Variants in ULK4 observed in about 807,000 individuals in gnomAD.
ULK4 encodes the protein inactive serine/threonine-protein kinase ULK4.
A neutral mutation model predicts 160.6 loss-of-function variants in ULK4; 133 were observed. That is an observed-to-expected ratio of 0.83 (90% confidence interval 0.72 to 0.96). ULK4 has a LOEUF of 0.96. Ranked by LOEUF, ULK4 falls within the 40% of genes least tolerant of loss-of-function variation. The probability of loss-of-function intolerance (pLI) is 0.00; values close to 1 mark genes in which losing one functional copy is unlikely to be tolerated. For synonymous variants in ULK4, 534 were observed against 539.8 expected (o/e 0.99, Z 0.15); for missense variants, 1,580 against 1,499.5 (o/e 1.05, Z -0.89).
intron 21 of ULK4, among the ~76,000 whole-genome samples, chr3:41,769,556 A>C (rs2039283418): frequency 6.7e-6 from 1 of 150,342 alleles, no homozygotes; most frequent in Non-Finnish European, 1.5e-5. Flanking sequence ...TCTATAACCC[A>C]AATCACAGCA....
intron 17 of ULK4, among the ~76,000 whole-genome samples, chr3:41,869,523 T>C (rs1697015228): frequency 6.6e-6 from 1 of 152,110 alleles, no homozygotes; most frequent in Non-Finnish European, 1.5e-5. Context: ...AGAGGTGCAA[T>C]GAGCCAAGAT....
rs1013250833 is a variant in ULK4, at chr3:41,764,540, G to C, written c.2194-10052C>G. On this transcript the variant is annotated intron_variant, in intron 21 of 36. Transcript: ENST00000301831. The stretch of plus-strand genomic sequence containing the variant: ...CAGGAGGATTGTTCAAGACTATCCT[G>C]GGCAACAGAGCAAGACCCTGTCTCT... 2.0e-5 allele frequency among the ~76,000 whole-genome samples: 3 copies of C among 152,160 alleles called. No homozygotes were observed. In the East Asian group the frequency reaches 5.8e-4, roughly 29 times the overall value.
At chr3:41,425,141 C>T (rs746650193) in intron 34 of ULK4, among the ~76,000 whole-genome samples, 49 of 151,990 alleles carry the variant, frequency 3.2e-4, no homozygotes, top group Admixed American at 6.6e-4. Context: ...ACAAGAACTT[C>T]GCAATGCAAC....
At chr3:41,718,971 T>C (rs2037364973) in intron 22 of ULK4, among the ~76,000 whole-genome samples, 5 of 152,202 alleles carry the variant, frequency 3.3e-5, no homozygotes, top group African/African-American at 1.2e-4. Flanking sequence ...ATTATGTGGC[T>C]AGAGCCATAA....
At chr3:41,631,845 G>T (rs546020684) in intron 30 of ULK4, among the ~76,000 whole-genome samples, 3 of 152,088 alleles carry the variant, frequency 2.0e-5, no homozygotes, top group African/African-American at 7.2e-5. Flanking sequence ...TGATGTGGTT[G>T]CAAGTCCTGT....
chr3:41,391,443 T>A (rs28642078), intron 35 of ULK4, among the ~76,000 whole-genome samples: 3 of 151,878 alleles, frequency 2.0e-5, no homozygotes, highest in Middle Eastern at 3.4e-3. Context: ...GAATGGAAGG[T>A]CTTAACCCCA....
At chr3:41,510,934 G>C (rs189284651) in intron 32 of ULK4, among the ~76,000 whole-genome samples, 2 of 152,110 alleles carry the variant, frequency 1.3e-5, no homozygotes, top group Admixed American at 6.5e-5. Context: ...AGGCTGAGGC[G>C]GGTGGATCAC....
At chr3:41,554,139 C>T (rs1004036809) in intron 32 of ULK4, among the ~76,000 whole-genome samples, 3 of 152,056 alleles carry the variant, frequency 2.0e-5, no homozygotes, top group African/African-American at 4.8e-5. Context: ...TGCAGTTCCA[C>T]GGAAGTACCG....
At chr3:41,293,794 T>C (rs2079617778) in intron 35 of ULK4, among the ~76,000 whole-genome samples, 1 of 152,200 alleles carries the variant, frequency 6.6e-6, no homozygotes. Context: ...TTAGCTATTA[T>C]TATATAAAGT....
At chr3:41,839,319 AACAGAGCAAG>A (rs1321252028) in intron 17 of ULK4, among the ~76,000 whole-genome samples, 1 of 151,412 alleles carries the variant, frequency 6.6e-6, no homozygotes, top group African/African-American at 2.4e-5. Context: ...CAGCCTGGGC[AACAGAGCAAG>A]ACTCTGTCTC....
chr3:41,541,381 GTCTATA>G (rs1318707339), intron 32 of ULK4, among the ~76,000 whole-genome samples: 1 of 152,082 alleles, frequency 6.6e-6, no homozygotes, highest in Non-Finnish European at 1.5e-5. Flanking sequence ...TGTTCCATTG[GTCTATA>G]TACCTGTTTT....
intron 35 of ULK4, among the ~76,000 whole-genome samples, chr3:41,316,187 C>A (rs958942058): frequency 2.0e-5 from 3 of 152,068 alleles, no homozygotes; most frequent in Non-Finnish European, 2.9e-5. Context: ...TATGTCCATA[C>A]AATGGAATAC....
chr3:41,436,019 C>T (rs879725285), intron 34 of ULK4, among the ~76,000 whole-genome samples: 3 of 152,112 alleles, frequency 2.0e-5, no homozygotes, highest in Non-Finnish European at 4.4e-5. Flanking sequence ...GATGATTTTA[C>T]TTAAGGTTTT....
chr3:41,293,266 A>AGGT (rs1250033689), intron 35 of ULK4, among the ~76,000 whole-genome samples: 1 of 152,192 alleles, frequency 6.6e-6, no homozygotes, highest in Non-Finnish European at 1.5e-5. Flanking sequence ...AAATAAAAAT[A>AGGT]GGTACACAAA....
At chr3:41,465,990 T>C (rs1305741737) in intron 32 of ULK4, among the ~76,000 whole-genome samples, 1 of 152,218 alleles carries the variant, frequency 6.6e-6, no homozygotes, top group Non-Finnish European at 1.5e-5. Context: ...AAGTTACTAA[T>C]GCATTCATTT....
At chr3:41,664,641 A>T (rs2035297544) in intron 29 of ULK4, among the ~76,000 whole-genome samples, 1 of 152,172 alleles carries the variant, frequency 6.6e-6, no homozygotes, top group Admixed American at 6.5e-5. Flanking sequence ...GGCACAGTGG[A>T]CTACCCTTAT....
intron 21 of ULK4, among the ~76,000 whole-genome samples, chr3:41,758,684 G>C (rs1416630358): frequency 1.3e-5 from 2 of 151,944 alleles, no homozygotes; most frequent in Non-Finnish European, 2.9e-5. Flanking sequence ...AGGAGATCAA[G>C]ATCACAGTGA....
intron 5 of ULK4, among the ~76,000 whole-genome samples, chr3:41,923,208 C>T (rs146061093): frequency 9.2e-4 from 140 of 151,784 alleles, no homozygotes; most frequent in African/African-American, 3.3e-3. Context: ...AATAAGAATC[C>T]CTGAACCAGG....
intron 27 of ULK4, among the ~76,000 whole-genome samples, chr3:41,683,251 A>G (rs902231955): frequency 6.6e-6 from 1 of 152,018 alleles, no homozygotes; most frequent in African/African-American, 2.4e-5. Context: ...AAACTATCAA[A>G]CCAAAGTTGT....
Sources: gnomAD v4.1 joint callset for allele counts (sites outside exome capture counted in the v4.1 genomes callset) on GRCh38, gnomAD v4.1.1 for gene constraint, MANE v1.5 for transcripts, NCBI Gene and HGNC (gene_info 2026-07-23, HGNC 2026-07-21) for gene names.